The following ARK2C variants were observed in gnomAD, a reference collection of about 807,000 sequenced individuals.
ARK2C encodes the protein E3 ubiquitin-protein ligase ARK2C.
chr18:46,337,662 T>C, the ARK2C span: 2 of 945,606 alleles, frequency 2.1e-6, no homozygotes, highest in Non-Finnish European at 2.5e-6. Flanking sequence ...CCTAGTGTGC[T>C]TTTTCTCTTG....
the ARK2C span, among the ~76,000 whole-genome samples, chr18:46,427,380 A>C: frequency 6.6e-6 from 1 of 152,150 alleles, no homozygotes; most frequent in South Asian, 2.1e-4. Flanking sequence ...GCTCCTCCTA[A>C]TGAGGCTCCA....
the ARK2C span, chr18:46,334,400 C>T: frequency 2.8e-6 from 4 of 1,422,142 alleles, no homozygotes; most frequent in East Asian, 2.6e-5. The surrounding 1 kb of genome is among the most constrained non-coding windows in gnomAD (Gnocchi z 4.4). Context: ...GGGGCGGGGG[C>T]GGGCGCCGCG....
At chr18:46,369,812 T>G in the ARK2C span, among the ~76,000 whole-genome samples, 1 of 152,218 alleles carries the variant, frequency 6.6e-6, no homozygotes, top group Non-Finnish European at 1.5e-5. Flanking sequence ...TTCAAGAGAT[T>G]GAGAGAGCCA....
the ARK2C span, chr18:46,337,553 C>CT: frequency 3.1e-4 from 303 of 975,464 alleles, 2 homozygotes; most frequent in South Asian, 9.7e-3. Flanking sequence ...TGGGCCCAGC[C>CT]TTTTTTTTTG....
the ARK2C span, among the ~76,000 whole-genome samples, chr18:46,369,395 G>A: frequency 3.9e-5 from 6 of 152,194 alleles, no homozygotes; most frequent in Admixed American, 1.3e-4. Context: ...GTGGCAGGGG[G>A]GTGGGAGAGG....
chr18:46,365,415 G>A, the ARK2C span, among the ~76,000 whole-genome samples: 7 of 152,212 alleles, frequency 4.6e-5, no homozygotes, highest in Non-Finnish European at 5.9e-5. Context: ...ATGTACCTAT[G>A]TCTTCACAAG....
At chr18:46,342,350 T>C in the ARK2C span, among the ~76,000 whole-genome samples, 13 of 152,240 alleles carry the variant, frequency 8.5e-5, no homozygotes, top group Non-Finnish European at 1.5e-4. Context: ...CCGCCATAGC[T>C]GGTGGGACCG....
the ARK2C span, among the ~76,000 whole-genome samples, chr18:46,356,243 T>TCC: frequency 6.6e-6 from 1 of 152,364 alleles, no homozygotes; most frequent in South Asian, 2.1e-4. Context: ...AGGTGTGTTC[T>TCC]AGGTGCGGAG....
At chr18:46,442,150 G>A in the ARK2C span, among the ~76,000 whole-genome samples, 21 of 128,300 alleles carry the variant, frequency 1.6e-4, no homozygotes, top group African/African-American at 5.5e-4. Flanking sequence ...GCGACAGAGC[G>A]AAACTCCGTC....
At chr18:46,423,142 C>T in the ARK2C span, among the ~76,000 whole-genome samples, 1 of 152,226 alleles carries the variant, frequency 6.6e-6, no homozygotes, top group African/African-American at 2.4e-5. Flanking sequence ...GAAATGCAAG[C>T]CCTAAAGCCT....
the ARK2C span, among the ~76,000 whole-genome samples, chr18:46,347,456 G>T: frequency 6.7e-6 from 1 of 149,502 alleles, no homozygotes; most frequent in Non-Finnish European, 1.5e-5. Context: ...CCCCTGGAAA[G>T]AGAGTCACGT....
the ARK2C span, among the ~76,000 whole-genome samples, chr18:46,348,163 G>T: frequency 6.6e-6 from 1 of 151,482 alleles, no homozygotes; most frequent in African/African-American, 2.4e-5. Flanking sequence ...GCTGATGCCT[G>T]GGTGAGTCTT....
At chr18:46,353,685 C>T in the ARK2C span, among the ~76,000 whole-genome samples, 1 of 152,104 alleles carries the variant, frequency 6.6e-6, no homozygotes, top group African/African-American at 2.4e-5. Context: ...AGGCAGGGGG[C>T]CAGGACTCTG....
the ARK2C span, among the ~76,000 whole-genome samples, chr18:46,410,585 C>T: frequency 6.6e-6 from 1 of 152,242 alleles, no homozygotes; most frequent in Admixed American, 6.5e-5. Context: ...AAGATGCTGG[C>T]AGGACCTAGA....
At chr18:46,419,540 G>A in the ARK2C span, among the ~76,000 whole-genome samples, 15 of 152,322 alleles carry the variant, frequency 9.8e-5, no homozygotes, top group Admixed American at 2.6e-4. Context: ...GCACAATCTC[G>A]GCCTGAGGGG....
chr18:46,407,726 C>A, the ARK2C span, among the ~76,000 whole-genome samples: 1 of 152,208 alleles, frequency 6.6e-6, no homozygotes, highest in Non-Finnish European at 1.5e-5. Context: ...ATGCTGGGAG[C>A]TGGTGCTGGG....
the ARK2C span, among the ~76,000 whole-genome samples, chr18:46,381,151 C>G: frequency 1.3e-5 from 2 of 152,232 alleles, no homozygotes; most frequent in African/African-American, 4.8e-5. Context: ...CAACGCTGTT[C>G]TGAAGCGAGG....
the ARK2C span, chr18:46,435,269 C>T: frequency 1.2e-6 from 2 of 1,609,398 alleles, no homozygotes; most frequent in African/African-American, 1.3e-5. Context: ...CACGAGGGCT[C>T]TCCATCCCTT....
At chr18:46,436,088 G>A in the ARK2C span, among the ~76,000 whole-genome samples, 1 of 152,152 alleles carries the variant, frequency 6.6e-6, no homozygotes, top group Admixed American at 6.5e-5. Flanking sequence ...ACCAGATTCT[G>A]GTTCTAGCTC....
Sources: allele counts gnomAD v4.1 joint callset (sites outside exome capture counted in the v4.1 genomes callset), GRCh38; gene constraint gnomAD v4.1.1; non-coding constraint Gnocchi (gnomAD v3.1); transcripts MANE v1.5; gene names NCBI Gene and HGNC (gene_info 2026-07-23, HGNC 2026-07-21).